The following ST18 variants were observed in gnomAD, a reference collection of about 807,000 sequenced individuals.
ST18 encodes suppression of tumorigenicity 18 protein.
Under a neutral mutation model 110.0 loss-of-function variants are expected in ST18, and 50 were observed. That is an observed-to-expected ratio of 0.45 (90% confidence interval 0.36 to 0.58). The LOEUF (loss-of-function observed/expected upper bound fraction) is 0.58, where lower values mean the gene tolerates loss of function less well. ST18 is among the 20% of genes least tolerant of loss of function. The pLI is 0.00. For synonymous variants in ST18, 461 were observed against 452.4 expected (o/e 1.02, Z -0.24); for missense variants, 1,306 against 1,280.1 (o/e 1.02, Z -0.31).
Position 52,381,968 on chromosome 8 carries a change from A to G in ST18, c.-465+27360T>C, listed in dbSNP as rs62501967. Among the ~76,000 whole-genome samples, 19 of 9,008 alleles carry G rather than the reference A, an allele frequency of 2.1e-3. 1 individual carries two copies. The Non-Finnish European group carries it at 0.086, about 41-fold the overall frequency. The allele number at this position is 9,008 out of a possible 152,430, so 5.9% of individuals were successfully genotyped here. A position where few individuals can be genotyped will look rare whatever the true frequency, so the allele number is the denominator to read the frequency against. On this transcript the variant is annotated intron_variant, in intron 2 of 25. Transcript: ENST00000689386. ...AGCTTCAAGAGCTATATGCTGCATT[A>G]AAAAACAAAAAAAAACAAAAAAACA...
At chr8:52,137,360 A>G in intron 18 of ST18, 61 bp downstream of exon 18, 4 of 1,561,400 alleles carry the variant, frequency 2.6e-6, no homozygotes. Flanking sequence ...AAGGGTGAGA[A>G]TAAGTATTTA....
chr8:52,221,072 C>T (rs920954898), intron 4 of ST18, among the ~76,000 whole-genome samples: 3 of 145,062 alleles, frequency 2.1e-5, no homozygotes, highest in African/African-American at 7.7e-5. Context: ...GTCTTTATTA[C>T]CAAACTACCT....
intron 2 of ST18, among the ~76,000 whole-genome samples, chr8:52,382,892 A>G (rs1276813530): frequency 6.6e-6 from 1 of 152,072 alleles, no homozygotes; most frequent in Admixed American, 6.6e-5. Flanking sequence ...AGGGAAGTGG[A>G]CATTCTGTGA....
At chr8:52,381,033 G>A (rs1590472008) in intron 2 of ST18, among the ~76,000 whole-genome samples, 1 of 152,184 alleles carries the variant, frequency 6.6e-6, no homozygotes, top group South Asian at 2.1e-4. Context: ...GAAGAGGCAG[G>A]TTATAAATAC....
At chr8:52,252,570 A>G (rs1009663979) in intron 2 of ST18, among the ~76,000 whole-genome samples, 1 of 151,980 alleles carries the variant, frequency 6.6e-6, no homozygotes, top group African/African-American at 2.4e-5. Flanking sequence ...TGTACTTTGA[A>G]ACGTTTTAAA....
chr8:52,358,673 C>T (rs185262370), intron 2 of ST18, among the ~76,000 whole-genome samples: 165 of 151,942 alleles, frequency 1.1e-3, no homozygotes, highest in African/African-American at 1.4e-3. Context: ...CTTGAATATA[C>T]GTTTAGCAAG....
intron 22 of ST18, among the ~76,000 whole-genome samples, chr8:52,130,883 G>A (rs1253980007): frequency 1.3e-5 from 2 of 152,156 alleles, no homozygotes; most frequent in Non-Finnish European, 2.9e-5. Context: ...TCAAGCTATT[G>A]TACAGTAAAT....
rs1477322974 is a variant in ST18 at position 52,359,289 on chromosome 8, CTG to C, written c.-465+50037_-465+50038del. Among the ~76,000 whole-genome samples the C allele has an allele frequency of 3.3e-5, 5 of 152,182 alleles. No individual in the cohort carries two copies. The South Asian group carries it at 1.0e-3, about 32-fold the overall frequency. Reference sequence around the variant, plus strand: ...AAATAGAGGTGATAGATACACGACACTGTGAATCTACTAAATGCCACTGAATT... The same window carrying C: ...AAATAGAGGTGATAGATACACGACACTGAATCTACTAAATGCCACTGAATT... On this transcript the variant is annotated intron_variant, in intron 2 of 25. Transcript: ENST00000689386.
intron 15 of ST18, among the ~76,000 whole-genome samples, chr8:52,152,977 G>T (rs2059180239): frequency 6.6e-6 from 1 of 152,050 alleles, no homozygotes; most frequent in Non-Finnish European, 1.5e-5. Flanking sequence ...TTTACAACTA[G>T]GGAAAAAAGA....
chr8:52,166,027 A>G (rs1376756308), intron 11 of ST18, among the ~76,000 whole-genome samples: 3 of 152,178 alleles, frequency 2.0e-5, no homozygotes, highest in African/African-American at 2.4e-5. Context: ...CTGCTGCAGG[A>G]TGTCCTGAGA....
chr8:52,295,700 T>C (rs2095622440), intron 2 of ST18, among the ~76,000 whole-genome samples: 1 of 127,028 alleles, frequency 7.9e-6, no homozygotes, highest in Admixed American at 1.0e-4. Context: ...AAAGAGCTTC[T>C]CTTTTTTTCC....
At chr8:52,307,628 T>A (rs1286629329) in intron 2 of ST18, among the ~76,000 whole-genome samples, 1 of 152,212 alleles carries the variant, frequency 6.6e-6, no homozygotes, top group Non-Finnish European at 1.5e-5. Context: ...TCATCTCTTA[T>A]CTTAGCAACC....
At chr8:52,281,827 A>C (rs79926075) in intron 2 of ST18, among the ~76,000 whole-genome samples, 1 of 152,220 alleles carries the variant, frequency 6.6e-6, no homozygotes, top group Admixed American at 6.5e-5. Flanking sequence ...TTCCCTCATA[A>C]GTGGGAGCTA....
chr8:52,307,712 C>T (rs916657124), intron 2 of ST18, among the ~76,000 whole-genome samples: 2 of 152,130 alleles, frequency 1.3e-5, no homozygotes, highest in African/African-American at 4.8e-5. Context: ...GGATGTAATA[C>T]CCAGACATGC....
At chr8:52,312,612 C>G (rs1589818291) in intron 2 of ST18, among the ~76,000 whole-genome samples, 1 of 152,090 alleles carries the variant, frequency 6.6e-6, no homozygotes, top group African/African-American at 2.4e-5. Flanking sequence ...ATCAATATAG[C>G]ATAAGTCACA....
At chr8:52,250,365 G>C (rs753517626) in intron 2 of ST18, among the ~76,000 whole-genome samples, 9 of 139,110 alleles carry the variant, frequency 6.5e-5, no homozygotes, top group East Asian at 2.3e-4. Context: ...TTTACCAACC[G>C]CTAGGTCCCT....
At chr8:52,277,229 G>A (rs2095288655) in intron 2 of ST18, among the ~76,000 whole-genome samples, 1 of 152,166 alleles carries the variant, frequency 6.6e-6, no homozygotes, top group African/African-American at 2.4e-5. Flanking sequence ...AAAGACACTT[G>A]TCACCATCAC....
chr8:52,160,979 T>C (rs867522334), intron 14 of ST18, among the ~76,000 whole-genome samples: 11 of 152,182 alleles, frequency 7.2e-5, no homozygotes, highest in African/African-American at 2.7e-4. Flanking sequence ...CATTTCAACA[T>C]TTTACCTATT....
At chr8:52,214,360 C>T (rs1184896873) in intron 6 of ST18, 103 bp from the exon 7 acceptor site, 2 of 1,213,588 alleles carry the variant, frequency 1.6e-6, no homozygotes, top group Non-Finnish European at 2.4e-6. Flanking sequence ...AAACAGTAGC[C>T]TTCCATGCTC....
Sources: allele counts gnomAD v4.1 joint callset (sites outside exome capture counted in the v4.1 genomes callset), GRCh38; gene constraint gnomAD v4.1.1; transcripts MANE v1.5; gene names NCBI Gene and HGNC (gene_info 2026-07-23, HGNC 2026-07-21).